KCNQ1: variants seen among roughly 807,000 people sequenced by gnomAD.
KCNQ1 encodes potassium voltage-gated channel subfamily Q member 1, also known as potassium voltage-gated channel subfamily KQT member 1.
Under a neutral mutation model 72.4 loss-of-function variants are expected in KCNQ1, and 49 were observed. That is an observed-to-expected ratio of 0.68 (90% confidence interval 0.54 to 0.86). The LOEUF (loss-of-function observed/expected upper bound fraction) is 0.86, where lower values mean the gene tolerates loss of function less well. Among genes scored for constraint, KCNQ1 ranks in the 40% least tolerant of loss-of-function variants. The pLI is 0.00. For synonymous variants in KCNQ1, 450 were observed against 412.6 expected (o/e 1.09, Z -1.10); for missense variants, 790 against 945.1 (o/e 0.84, Z 2.15).
At chr11:2,553,861 G>A (rs140263264) in intron 2 of KCNQ1, among the ~76,000 whole-genome samples, 228 of 151,966 alleles carry the variant, frequency 1.5e-3, no homozygotes, top group African/African-American at 5.1e-3. Flanking sequence ...GATTACAGGC[G>A]CCCGCCACCA....
chr11:2,731,003 A>C (rs1303986207), intron 11 of KCNQ1, among the ~76,000 whole-genome samples: 1 of 152,200 alleles, frequency 6.6e-6, no homozygotes, highest in Non-Finnish European at 1.5e-5. Context: ...TGCTCATAGA[A>C]AAGGAAGGCC....
intron 6 of KCNQ1, among the ~76,000 whole-genome samples, chr11:2,580,327 C>A (rs1033576670): frequency 6.6e-6 from 1 of 151,978 alleles, no homozygotes; most frequent in African/African-American, 2.4e-5. Flanking sequence ...AAGCCTGGCT[C>A]GTGGGCATTG....
intron 12 of KCNQ1, among the ~76,000 whole-genome samples, chr11:2,773,118 T>G (rs163152): frequency 0.14 from 20,953 of 152,172 alleles, 1,661 homozygotes; most frequent in South Asian, 0.2. Context: ...CATCCCATCT[T>G]AGAGAAGAGA....
intron 11 of KCNQ1, chr11:2,681,769 G>A: frequency 2.5e-6 from 1 of 398,452 alleles, no homozygotes; most frequent in Non-Finnish European, 4.4e-6. Flanking sequence ...GGGGCCCTGG[G>A]ACCTGGGAGG....
chr11:2,716,725 G>A (rs1487018751), intron 11 of KCNQ1, among the ~76,000 whole-genome samples: 4 of 152,258 alleles, frequency 2.6e-5, no homozygotes, highest in Admixed American at 2.6e-4. Flanking sequence ...GGCACGGGCA[G>A]CGCGGTGCTT....
In KCNQ1 at chr11:2,492,238, AG is replaced by A. The variant is rs1180411820; in HGVS notation, c.387-35689del. Among the ~76,000 whole-genome samples, 1 of 146,704 alleles carries A rather than the reference AG, an allele frequency of 6.8e-6. No homozygotes were observed. Among genetic ancestry groups the A allele is most frequent in the Non-Finnish European group, 1.5e-5 (1 of 67,070 alleles). ...TCATATATTAAGTAGAAGGATGAAA[AG>A]AAGAACTGATAAATAATGACTACAA... On this transcript the variant is annotated intron_variant, in intron 1 of 15. Transcript: ENST00000155840. This position sits in a 1 kb window ranked among gnomAD's most constrained non-coding sequence, Gnocchi z 4.1.
At position 2,455,392 on chromosome 11, in the gene KCNQ1, T is replaced by C. The variant is rs150638374; in HGVS notation, c.386+9908T>C. 1.4e-3 allele frequency among the ~76,000 whole-genome samples: 219 copies of C among 152,340 alleles called. 3 individuals carry two copies. The East Asian group carries it at 0.036, about 25-fold the overall frequency. On this transcript the variant is annotated intron_variant, in intron 1 of 15. Transcript: ENST00000155840. ...GGATTCAGGCTTGAGCCACCGTGCC[T>C]GGCCAATCAGCAGCATTCTTATACA...
In KCNQ1 at chr11:2,603,924, C is replaced by T. The variant is rs1848842674; in HGVS notation, c.1393+15070C>T. On this transcript the variant is annotated intron_variant, in intron 10 of 15. Transcript: ENST00000155840. This position sits in a 1 kb window ranked among gnomAD's most constrained non-coding sequence, Gnocchi z 4.1. ...CAGGCTGGTCTCGAACTCCTGACCT[C>T]AGGTGATCCGCCCACCTCGGCCTCC... 1.3e-5 allele frequency among the ~76,000 whole-genome samples: 2 copies of T among 152,082 alleles called. No homozygotes were observed. The highest frequency in any genetic ancestry group is 1.3e-4 in the Admixed American group (2 of 15,280).
At chr11:2,675,157 A>G (rs1850270072) in intron 11 of KCNQ1, 1 of 398,650 alleles carries the variant, frequency 2.5e-6, no homozygotes, top group Non-Finnish European at 4.4e-6. Flanking sequence ...TATTAGAGGT[A>G]GTGCTCTAGC....
intron 15 of KCNQ1, among the ~76,000 whole-genome samples, chr11:2,795,423 G>A (rs1223861945): frequency 1.3e-5 from 2 of 152,348 alleles, no homozygotes; most frequent in Admixed American, 1.3e-4. Context: ...AAAAGAGCCT[G>A]AGCTGTGAGC....
At position 2,491,300 on chromosome 11, in the gene KCNQ1, A is replaced by G. The variant is rs1056108511; in HGVS notation, c.387-36628A>G. Reference sequence around the variant, plus strand: ...AGAAAAGAGATATGTGACCTTTCAGAGAGAGAATTTAAAATAGCTGTTATG... The same window carrying G: ...AGAAAAGAGATATGTGACCTTTCAGGGAGAGAATTTAAAATAGCTGTTATG... On this transcript the variant is annotated intron_variant, in intron 1 of 15. Coordinates refer to ENST00000155840, the MANE Select transcript of KCNQ1 (RefSeq NM_000218.3). The surrounding 1 kb of genome is among the most constrained non-coding windows in gnomAD (Gnocchi z 4.1). Among the ~76,000 whole-genome samples, 1 of 152,396 alleles carries G rather than the reference A, an allele frequency of 6.6e-6. No individual in the cohort carries two copies. The highest frequency in any genetic ancestry group is 2.1e-4 in the South Asian group (1 of 4,834).
At position 2,668,760 on chromosome 11, in the gene KCNQ1, C is replaced by T; in HGVS notation, c.1514+6679C>T. On this transcript the variant is annotated intron_variant, in intron 11 of 15. Transcript: ENST00000155840. The surrounding 1 kb of genome is among the most constrained non-coding windows in gnomAD (Gnocchi z 4.3). Reference sequence around the variant, plus strand: ...TCCCCCTCTGCAGGCTGCCTTCTTCCTCTCTTGATGGTGTCTTTTGATGAA... The same window carrying T: ...TCCCCCTCTGCAGGCTGCCTTCTTCTTCTCTTGATGGTGTCTTTTGATGAA... The T allele has an allele frequency of 2.5e-6, 1 of 398,630 alleles. No homozygotes were observed. The highest frequency in any genetic ancestry group is 4.4e-6 in the Non-Finnish European group (1 of 226,080). 24.7% of individuals were successfully genotyped at this position (398,630 alleles called of 1,614,324 possible). A position where few individuals can be genotyped will look rare whatever the true frequency, so the allele number is the denominator to read the frequency against.
rs1850427013 is a variant in KCNQ1, at chr11:2,683,164, T to A, written c.1514+21083T>A. On this transcript the variant is annotated intron_variant, in intron 11 of 15. Coordinates refer to ENST00000155840, the MANE Select transcript of KCNQ1 (RefSeq NM_000218.3). The surrounding 1 kb of genome is among the most constrained non-coding windows in gnomAD (Gnocchi z 4.7). ...ATGGGCTAGCATTAGGAATGGGTAT[T>A]AGCATCTGCATTAAAAGGCTCCCAC... 1 of 398,490 alleles carries A rather than the reference T, an allele frequency of 2.5e-6. No homozygotes were observed. The highest frequency in any genetic ancestry group is 4.4e-6 in the Non-Finnish European group (1 of 226,078). 24.7% of individuals were successfully genotyped at this position (398,490 alleles called of 1,614,324 possible).
At position 2,531,011 on chromosome 11, in the gene KCNQ1, C is replaced by A. The variant is rs116817105; in HGVS notation, c.477+2993C>A. 1.0e-3 allele frequency among the ~76,000 whole-genome samples: 153 copies of A among 152,242 alleles called. 4 individuals carry two copies. The South Asian group carries it at 0.031, about 31-fold the overall frequency. ...GTTTTAAATGGAGCCCCGGTGCTAACGTGAGCCCACCCAGGTGCTCCTGCC... is the reference window on the plus strand; with the variant it reads ...GTTTTAAATGGAGCCCCGGTGCTAAAGTGAGCCCACCCAGGTGCTCCTGCC... On this transcript the variant is annotated intron_variant, in intron 2 of 15. Coordinates refer to ENST00000155840, the MANE Select transcript of KCNQ1 (RefSeq NM_000218.3).
At chr11:2,589,498 G>C (rs370551387) in intron 10 of KCNQ1, among the ~76,000 whole-genome samples, 32 of 152,334 alleles carry the variant, frequency 2.1e-4, no homozygotes, top group African/African-American at 7.2e-4. Context: ...TTTTACCCAC[G>C]CTAACTCGTA....
intron 11 of KCNQ1, among the ~76,000 whole-genome samples, chr11:2,743,203 C>A (rs1846085018): frequency 6.6e-6 from 1 of 152,060 alleles, no homozygotes; most frequent in African/African-American, 2.4e-5. Flanking sequence ...CTGGTGTGAG[C>A]CCACCGCCCA....
At chr11:2,738,456 T>A (rs973720535) in intron 11 of KCNQ1, among the ~76,000 whole-genome samples, 19 of 152,154 alleles carry the variant, frequency 1.2e-4, no homozygotes, top group South Asian at 4.1e-4. Context: ...CTAGCGTGTG[T>A]GACAAGGGAA....
chr11:2,767,763 CA>C lies in KCNQ1; in HGVS notation c.1515-1079del, dbSNP rs1320688566. On this transcript the variant is annotated intron_variant, in intron 11 of 15. Transcript: ENST00000155840. The surrounding 1 kb of genome is among the most constrained non-coding windows in gnomAD (Gnocchi z 4.6). Reference sequence around the variant, plus strand: ...CTCTGCTTAGCTTTTACCCCTTCAGCAACTGCTTTTTGCTCAGTTTCTGTGA... The same window carrying C: ...CTCTGCTTAGCTTTTACCCCTTCAGCACTGCTTTTTGCTCAGTTTCTGTGA... Among the ~76,000 whole-genome samples, 1 of 152,232 alleles carries C rather than the reference CA, an allele frequency of 6.6e-6. No homozygotes were observed. The highest frequency in any genetic ancestry group is 2.4e-5 in the African/African-American group (1 of 41,468).
At chr11:2,807,555 C>T (rs1411842616) in intron 15 of KCNQ1, among the ~76,000 whole-genome samples, 1 of 152,210 alleles carries the variant, frequency 6.6e-6, no homozygotes, top group Non-Finnish European at 1.5e-5. Context: ...CCTCGGAACA[C>T]TCCCGGGCCG....
Sources: gnomAD v4.1 joint callset for allele counts (sites outside exome capture counted in the v4.1 genomes callset) on GRCh38, gnomAD v4.1.1 for gene constraint, Gnocchi (gnomAD v3.1) non-coding constraint, MANE v1.5 for transcripts, NCBI Gene and HGNC (gene_info 2026-07-23, HGNC 2026-07-21) for gene names.